PPFIBP2: variants seen among roughly 807,000 people sequenced by gnomAD.
PPFIBP2 encodes PPFIB scaffold protein 2.
A neutral mutation model predicts 118.3 loss-of-function variants in PPFIBP2; 118 were observed. That is an observed-to-expected ratio of 1.00 (90% CI 0.86 to 1.16). The LOEUF is 1.16. Ranked by LOEUF, PPFIBP2 falls within the 50% of genes most tolerant of loss-of-function variation. PPFIBP2 has a pLI of 0.00. For synonymous variants in PPFIBP2, 414 were observed against 397.4 expected (o/e 1.04, Z -0.50); for missense variants, 1,195 against 1,073.1 (o/e 1.11, Z -1.59).
At chr11:7,638,057 T>G (rs1327484667) in intron 14 of PPFIBP2, among the ~76,000 whole-genome samples, 2 of 152,212 alleles carry the variant, frequency 1.3e-5, no homozygotes, top group Non-Finnish European at 2.9e-5. Flanking sequence ...CCTTCAGGTC[T>G]CTAACATCTT....
chr11:7,644,954 G>C (rs1437722406), intron 17 of PPFIBP2, among the ~76,000 whole-genome samples: 1 of 138,306 alleles, frequency 7.2e-6, no homozygotes, highest in Non-Finnish European at 1.5e-5. Context: ...GTGAACCCGG[G>C]AGGCGGAGCT....
At chr11:7,651,874 C>T in intron 23 of PPFIBP2, 30 bp downstream of exon 23, 2 of 1,586,804 alleles carry the variant, frequency 1.3e-6, no homozygotes, top group South Asian at 2.2e-5. Flanking sequence ...TGGGTGGGCC[C>T]TGGGCTGCCT....
chr11:7,562,937 A>ATT lies in PPFIBP2; in HGVS notation c.65-2615_65-2614insTT, dbSNP rs1489471755. Among the ~76,000 whole-genome samples, 125 of 22,672 alleles carry ATT rather than the reference A, an allele frequency of 5.5e-3. 1 individual carries two copies. The highest frequency in any genetic ancestry group is 0.055 in the African/African-American group (112 of 2,042). The allele number at this position is 22,672 out of a possible 152,430, so 14.9% of individuals were successfully genotyped here. ...AAATAGAAATTAAAGTTTTATATAT[A>ATT]TATATATATATATATATATATATAT... On this transcript the variant is annotated intron_variant, in intron 2 of 23. Coordinates refer to ENST00000299492, the MANE Select transcript of PPFIBP2 (RefSeq NM_003621.5).
intron 22 of PPFIBP2, 44 bp from the exon 23 acceptor site, chr11:7,651,612 T>G: frequency 8.5e-6 from 13 of 1,535,654 alleles, no homozygotes; most frequent in Non-Finnish European, 1.1e-5. Context: ...CCTCGAGCCA[T>G]TTGTATTTGC....
intron 2 of PPFIBP2, among the ~76,000 whole-genome samples, chr11:7,558,625 G>A (rs1029779409): frequency 6.6e-6 from 1 of 151,910 alleles, no homozygotes; most frequent in Non-Finnish European, 1.5e-5. Context: ...GCGTGGTGGC[G>A]CGTGCCTGTA....
chr11:7,663,609 G>A, the PPFIBP2 span, among the ~76,000 whole-genome samples: 1 of 152,232 alleles, frequency 6.6e-6, no homozygotes, highest in Non-Finnish European at 1.5e-5. Context: ...TTGTTTGTCT[G>A]TTCCCTGCCC....
chr11:7,664,012 A>G, the PPFIBP2 span, among the ~76,000 whole-genome samples: 1 of 151,418 alleles, frequency 6.6e-6, no homozygotes, highest in Non-Finnish European at 1.5e-5. Flanking sequence ...CGGCTCGCAC[A>G]CGGTGCGCGC....
At chr11:7,593,447 A>G (rs1859715580) in intron 4 of PPFIBP2, among the ~76,000 whole-genome samples, 1 of 152,162 alleles carries the variant, frequency 6.6e-6, no homozygotes, top group Admixed American at 6.5e-5. Flanking sequence ...TCATTCATTT[A>G]TCATGCACTC....
rs1175394482 is a variant in PPFIBP2, at chr11:7,640,215, C to G, written c.1375+345C>G. ...TTGTTTTCCCTCCTCTCAGACACCC[C>G]CTTCTACCCTTCCTGCCCCTGGTGC... On this transcript the variant is annotated intron_variant, in intron 15 of 23. Transcript: ENST00000299492. Among the ~76,000 whole-genome samples the G allele has an allele frequency of 3.3e-5, 5 of 152,088 alleles. No individual in the cohort carries two copies. In the East Asian group the frequency reaches 7.7e-4, roughly 23 times the overall value.
chr11:7,613,956 C>T (rs1848352964), intron 6 of PPFIBP2, among the ~76,000 whole-genome samples: 1 of 152,196 alleles, frequency 6.6e-6, no homozygotes, highest in African/African-American at 2.4e-5. Flanking sequence ...AAACATCTCA[C>T]AGCACAAGTG....
chr11:7,573,189 G>A (rs141882839), intron 3 of PPFIBP2, among the ~76,000 whole-genome samples: 2,884 of 152,232 alleles, frequency 0.019, 43 homozygotes, highest in Non-Finnish European at 0.029. Context: ...ACAACAGCAG[G>A]CCCCATACCC....
intron 17 of PPFIBP2, among the ~76,000 whole-genome samples, chr11:7,643,809 A>T (rs1027239671): frequency 8.5e-5 from 13 of 152,170 alleles, no homozygotes; most frequent in African/African-American, 3.1e-4. Flanking sequence ...TTGTTCAATA[A>T]AACAATTGAT....
intron 18 of PPFIBP2, 25 bp from the exon 19 acceptor site, chr11:7,648,775 T>G: frequency 1.2e-6 from 2 of 1,606,400 alleles, no homozygotes; most frequent in East Asian, 2.2e-5. Context: ...AAATTTCACA[T>G]GTGGTCTTCA....
At chr11:7,584,874 C>G (rs1275588664) in intron 3 of PPFIBP2, among the ~76,000 whole-genome samples, 1 of 152,210 alleles carries the variant, frequency 6.6e-6, no homozygotes, top group African/African-American at 2.4e-5. Flanking sequence ...TGCCCTGTGC[C>G]TGGCAGCTAT....
At chr11:7,595,684 G>GTA (rs1250561616) in intron 4 of PPFIBP2, among the ~76,000 whole-genome samples, 1 of 152,096 alleles carries the variant, frequency 6.6e-6, no homozygotes, top group Non-Finnish European at 1.5e-5. Context: ...TCTCAGCAGG[G>GTA]TAGAGCCTCT....
intron 5 of PPFIBP2, among the ~76,000 whole-genome samples, chr11:7,608,455 A>G (rs1418427694): frequency 6.6e-6 from 1 of 151,734 alleles, no homozygotes; most frequent in African/African-American, 2.4e-5. Flanking sequence ...AGCCTGGCCA[A>G]CATGGTGAAA....
intron 10 of PPFIBP2, among the ~76,000 whole-genome samples, chr11:7,630,465 C>G (rs1042386709): frequency 2.6e-5 from 4 of 152,202 alleles, no homozygotes; most frequent in African/African-American, 9.7e-5. Context: ...GCACTGGCCA[C>G]TATACCTGGC....
intron 1 of PPFIBP2, among the ~76,000 whole-genome samples, chr11:7,532,603 G>C (rs563872022): frequency 3.3e-5 from 5 of 152,216 alleles, no homozygotes; most frequent in Non-Finnish European, 5.9e-5. Flanking sequence ...TAGTTTCTGT[G>C]CAGTGTCTTC....
In PPFIBP2 at chr11:7,610,428, G is replaced by A. The variant is rs754075179; in HGVS notation, c.618+6G>A. 1 of 1,612,980 alleles carries A rather than the reference G, an allele frequency of 6.2e-7. No homozygotes were observed. The highest frequency in any genetic ancestry group is 8.5e-7 in the Non-Finnish European group (1 of 1,179,858). On this transcript the variant is annotated splice_donor_region_variant and intron_variant, in intron 6 of 23. Coordinates refer to ENST00000299492, the MANE Select transcript of PPFIBP2 (RefSeq NM_003621.5). ...AGAAGCAGAGAAAAGCAGAGGTAAG[G>A]GTGAGTGTGTACTGTCCTAAGCTCA...
Sources: allele counts gnomAD v4.1 joint callset (sites outside exome capture counted in the v4.1 genomes callset), GRCh38; gene constraint gnomAD v4.1.1; transcripts MANE v1.5; gene names NCBI Gene and HGNC (gene_info 2026-07-23, HGNC 2026-07-21).